The following ORC1 variants were observed in gnomAD, a reference collection of about 807,000 sequenced individuals.
The protein encoded by ORC1 is origin recognition complex, subunit 1 homolog.
ORC1 carries 61 observed loss-of-function variants against 98.9 expected under a neutral mutation model. That is an observed-to-expected ratio of 0.62 (90% confidence interval 0.50 to 0.76). The LOEUF (loss-of-function observed/expected upper bound fraction) is 0.76, where lower values mean the gene tolerates loss of function less well. ORC1 is among the 30% of genes least tolerant of loss of function. ORC1 has a pLI of 0.00. For synonymous variants in ORC1, 385 were observed against 406.9 expected (o/e 0.95, Z 0.65); for missense variants, 979 against 1,072.2 (o/e 0.91, Z 1.21).
chr1:52,385,837 C>T lies in ORC1; in HGVS notation c.1481+15G>A. On this transcript the variant is annotated intron_variant, in intron 9 of 16. Transcript: ENST00000371568. ...GGTTCCTGCCTCTCTGAAGGGGAAT[C>T]AACAGCAGCAGTACCTCAGTCGGGC... is the stretch of plus-strand genomic sequence containing the variant. The T allele has an allele frequency of 6.3e-7, 1 of 1,591,630 alleles. No individual in the cohort carries two copies. Among genetic ancestry groups the T allele is most frequent in the Non-Finnish European group, 8.6e-7 (1 of 1,159,632 alleles).
In ORC1 at chr1:52,374,830, C is replaced by T; in HGVS notation, c.2371G>A (p.Glu791Lys). 6.2e-7 allele frequency: 1 copy of T among 1,613,268 alleles called. No individual in the cohort carries two copies. Among genetic ancestry groups the T allele is most frequent in the East Asian group, 2.2e-5 (1 of 44,876 alleles). Residue 791 changes from glutamate to lysine, a missense_variant, in exon 16 of 17, where the codon GAG becomes AAG. Glu to Lys is a moderately conservative substitution (Grantham distance 56). Coordinates refer to ENST00000371568, the MANE Select transcript of ORC1 (RefSeq NM_004153.4). ...ILAEFRRSGL[E>K]EATFQQIYSQ... Reference sequence around the variant, plus strand: ...ATCACCTGTTGAAACGTGGCTTCCTCCAGTCCTGATCGACGGAACTCTGCG... The same window carrying T: ...ATCACCTGTTGAAACGTGGCTTCCTTCAGTCCTGATCGACGGAACTCTGCG...
Position 52,384,665 on chromosome 1 carries a change from A to G in ORC1, c.1640T>C (p.Val547Ala). Residue 547 changes from valine (V) to alanine (A), a missense_variant, in exon 11 of 17, where the codon GTG becomes GCG. By Grantham distance (64) the Val-to-Ala change is moderately conservative (BLOSUM62 0). Transcript: ENST00000371568. ...GGCTGCCTGCTGCAGGCAGCGTATC[A>G]CTTCATGAACAGTGGCAGTCTTCCC... ...GTGKTATVHE[V>A]IRCLQQAAQA... The G allele has an allele frequency of 6.2e-7, 1 of 1,613,940 alleles. No homozygotes were observed. The highest frequency in any genetic ancestry group is 8.5e-7 in the Non-Finnish European group (1 of 1,179,932).
intron 14 of ORC1, among the ~76,000 whole-genome samples, chr1:52,379,134 T>C (rs1035877387): frequency 2.0e-5 from 3 of 152,084 alleles, no homozygotes; most frequent in South Asian, 2.1e-4. Flanking sequence ...TAAACCTATA[T>C]TGAGGAATCC....
Position 52,373,031 on chromosome 1 carries a change from A to G in ORC1, c.*150T>C. Reference sequence around the variant, plus strand: ...CCTGTAGTTTCAGCCACCTGGGAGGATGAGGTTGGGGGGTCACCTAAGCCT... The same window carrying G: ...CCTGTAGTTTCAGCCACCTGGGAGGGTGAGGTTGGGGGGTCACCTAAGCCT... On this transcript the variant is annotated 3_prime_UTR_variant, in exon 17 of 17. Coordinates refer to ENST00000371568, the MANE Select transcript of ORC1 (RefSeq NM_004153.4). 1.2e-6 allele frequency: 1 copy of G among 822,526 alleles called. No homozygotes were observed. Among genetic ancestry groups the G allele is most frequent in the Non-Finnish European group, 2.1e-6 (1 of 475,212 alleles). 51.0% of individuals were successfully genotyped at this position (822,526 alleles called of 1,614,324 possible). A position where few individuals can be genotyped will look rare whatever the true frequency, so the allele number is the denominator to read the frequency against.
chr1:52,405,872 G>T (rs778827371), upstream of ORC1: 1 of 1,598,994 alleles, frequency 6.3e-7, no homozygotes, highest in Non-Finnish European at 8.6e-7. Context: ...AATATAAGAG[G>T]TTTAATTTTG....
upstream of ORC1, chr1:52,404,836 C>G: frequency 6.2e-7 from 1 of 1,614,232 alleles, no homozygotes; most frequent in Non-Finnish European, 8.5e-7. Flanking sequence ...GAACGCGAAT[C>G]TATGAGTCCA....
rs1435387818 is a variant in ORC1, at chr1:52,375,531, C to T, written c.2202G>A (p.Glu734=). The T allele has an allele frequency of 6.2e-7, 1 of 1,614,174 alleles. No homozygotes were observed. The highest frequency in any genetic ancestry group is 2.2e-5 in the East Asian group (1 of 44,886). Residue 734 remains glutamate, a synonymous_variant, in exon 15 of 17, where the codon GAG becomes GAA. Transcript: ENST00000371568. ...DICRRATEIC[E]FSQQKPDSPG... ...GGGAGTCAGGCTTCTGCTGGGAGAA[C>T]TCACAGATCTCTGTGGCACGCCTGC...
In ORC1 at chr1:52,393,543, T is replaced by C. The variant is rs778710571; in HGVS notation, c.982A>G (p.Ile328Val). 1.5e-5 allele frequency: 24 copies of C among 1,614,194 alleles called. No homozygotes were observed. In the East Asian group the frequency reaches 2.2e-4, roughly 15 times the overall value. Reference protein sequence around the residue: ...LRTRIAASKTIDIREERTLTP... With the variant: ...LRTRIAASKTVDIREERTLTP... ...AGTGTTCTCTCCTCTCTAATGTCTA[T>C]GGTTTTCGAAGCTGCAATTCGGGTT... Residue 328 changes from isoleucine to valine, a missense_variant, in exon 6 of 17, where the codon ATA (isoleucine) becomes GTA (valine). Coordinates refer to ENST00000371568, the MANE Select transcript of ORC1 (RefSeq NM_004153.4).
Position 52,383,434 on chromosome 1 carries a change from C to G in ORC1, c.1999G>C (p.Val667Leu). ...CTAGAACCTACCAGTCGGCTGGACA[C>G]CCGGTTCATCATGATTCGCTCTGGC... ...DLPERIMMNR[V>L]SSRLGLTRMC... Residue 667 changes from valine to leucine, a missense_variant, in exon 13 of 17, where the codon GTG (valine) becomes CTG (leucine). By Grantham distance (32) the Val-to-Leu change is conservative. Coordinates refer to ENST00000371568, the MANE Select transcript of ORC1 (RefSeq NM_004153.4). 1 of 1,612,684 alleles carries G rather than the reference C, an allele frequency of 6.2e-7. No individual in the cohort carries two copies. Among genetic ancestry groups the G allele is most frequent in the Non-Finnish European group, 8.5e-7 (1 of 1,180,032 alleles).
chr1:52,383,700 A>C, intron 12 of ORC1, 130 bp downstream of exon 12: 1 of 1,293,578 alleles, frequency 7.7e-7, no homozygotes, highest in Non-Finnish European at 1.1e-6. Context: ...CCATTGACAC[A>C]CGCCTCTCAG....
At chr1:52,408,231 CT>C (rs1648053920), upstream of ORC1, 1 of 384,996 alleles carries the variant, frequency 2.6e-6, no homozygotes, top group African/African-American at 2.1e-5. Flanking sequence ...CAGAGCAAGA[CT>C]CTGCCTTAAA....
At chr1:52,405,578 C>A, upstream of ORC1, 1 of 1,015,896 alleles carries the variant, frequency 9.8e-7, no homozygotes, top group Non-Finnish European at 1.5e-6. Context: ...CCTAATATTA[C>A]ACTGTTGATG....
intron 3 of ORC1, among the ~76,000 whole-genome samples, chr1:52,398,514 T>C (rs907815322): frequency 2.0e-5 from 3 of 152,166 alleles, no homozygotes; most frequent in Non-Finnish European, 4.4e-5. Context: ...TCCGCCCGCC[T>C]TGGCCTCTCA....
At chr1:52,401,572 C>A in intron 2 of ORC1, 83 bp from the exon 3 acceptor site, 1 of 1,484,874 alleles carries the variant, frequency 6.7e-7, no homozygotes, top group Non-Finnish European at 9.4e-7. Flanking sequence ...AAGGAGAGGG[C>A]TCTCCAATCC....
At chr1:52,388,906 T>C (rs1647177307) in intron 7 of ORC1, among the ~76,000 whole-genome samples, 1 of 152,152 alleles carries the variant, frequency 6.6e-6, no homozygotes, top group Admixed American at 6.5e-5. Context: ...GTTACACAGA[T>C]GGTAAATGAC....
chr1:52,382,355 A>G (rs1266867740), intron 13 of ORC1, among the ~76,000 whole-genome samples: 3 of 152,250 alleles, frequency 2.0e-5, no homozygotes, highest in African/African-American at 7.2e-5. Flanking sequence ...TTGGAAGTAG[A>G]TAAAAGCTGA....
upstream of ORC1, chr1:52,408,786 C>A: frequency 7.1e-7 from 1 of 1,407,250 alleles, no homozygotes; most frequent in Non-Finnish European, 9.8e-7. Context: ...AGTGTGAATG[C>A]TCCTTTTCAT....
intron 16 of ORC1, among the ~76,000 whole-genome samples, chr1:52,374,403 A>G (rs973546273): frequency 1.3e-5 from 2 of 152,246 alleles, no homozygotes; most frequent in Non-Finnish European, 2.9e-5. Flanking sequence ...AGTCTTAAGT[A>G]AACTAACAAA....
intron 1 of ORC1, among the ~76,000 whole-genome samples, chr1:52,402,851 C>T (rs1647786071): frequency 6.6e-6 from 1 of 152,010 alleles, no homozygotes; most frequent in African/African-American, 2.4e-5. Flanking sequence ...GAGCCGAGAT[C>T]GCAACACTGC....
Sources: allele counts gnomAD v4.1 joint callset (sites outside exome capture counted in the v4.1 genomes callset), GRCh38; gene constraint gnomAD v4.1.1; transcripts MANE v1.5; gene names NCBI Gene and HGNC (gene_info 2026-07-23, HGNC 2026-07-21).